Variants in PI4KA observed in about 807,000 individuals in gnomAD.
PI4KA encodes PI4-kinase alpha.
In PI4KA, 122 loss-of-function variants were observed where a neutral mutation model predicts 271.4. The observed-to-expected ratio is 0.45, with a 90% confidence interval of 0.39 to 0.52. The LOEUF is 0.52. Among genes scored for constraint, PI4KA ranks in the 20% least tolerant of loss-of-function variants. The pLI, the probability that PI4KA is intolerant of heterozygous loss-of-function variation, is 0.00. For synonymous variants in PI4KA, 1,041 were observed against 1,078.8 expected, an observed-to-expected ratio of 0.96 and a Z score of 0.69; for missense variants, 1,969 against 2,769.1, an observed-to-expected ratio of 0.71 and a Z score of 6.48.
chr22:20,842,216 A>G (rs898566595), intron 1 of PI4KA, among the ~76,000 whole-genome samples: 3 of 151,972 alleles, frequency 2.0e-5, no homozygotes, highest in African/African-American at 7.3e-5. Context: ...CAACAGAGCA[A>G]GACTCCATCT....
intron 3 of PI4KA, 93 bp from the exon 4 acceptor site, chr22:20,824,507 G>A (rs1481572680): frequency 2.4e-6 from 2 of 827,526 alleles, no homozygotes; most frequent in East Asian, 2.6e-5. Context: ...CTCTCACCAT[G>A]ACCTGCCAAG....
rs762595483 is a variant in PI4KA, at chr22:20,751,261, G to A, written c.3153+32C>T. 8.5e-6 allele frequency: 13 copies of A among 1,536,114 alleles called. No homozygotes were observed. The Admixed American group carries it at 1.7e-4, about 20-fold the overall frequency. ...TACTCAGGGAATTGTGGTAAAGATG[G>A]CCCTTAGTGCAGGGGATCGTGTCGG... On this transcript the variant is annotated intron_variant, in intron 27 of 54. Coordinates refer to ENST00000255882, the MANE Select transcript of PI4KA (RefSeq NM_058004.4).
intron 19 of PI4KA, chr22:20,787,338 A>G: frequency 2.1e-6 from 1 of 478,050 alleles, no homozygotes; most frequent in Non-Finnish European, 3.8e-6. Flanking sequence ...CACTCTTCAC[A>G]GCAAACCTGA....
In PI4KA at chr22:20,858,803, G is replaced by C. The variant is rs759839426; in HGVS notation, c.-78C>G. The C allele has an allele frequency of 7.3e-6, 10 of 1,361,544 alleles. No homozygotes were observed. The highest frequency in any genetic ancestry group is 4.7e-5 in the South Asian group (3 of 63,234). The allele number at this position is 1,361,544 out of a possible 1,614,324, so 84.3% of individuals were successfully genotyped here. A position where few individuals can be genotyped will look rare whatever the true frequency, so the allele number is the denominator to read the frequency against. On this transcript the variant is annotated 5_prime_UTR_variant, in exon 1 of 55. Transcript: ENST00000255882. ...CGCCCGACCTCAGGGCGCAGGCGTAGGTGCATCCGGCTTTCCCGCCACGTG... is the reference window on the plus strand; with the variant it reads ...CGCCCGACCTCAGGGCGCAGGCGTACGTGCATCCGGCTTTCCCGCCACGTG...
chr22:20,727,818 G>T lies in PI4KA; in HGVS notation c.4729C>A (p.Arg1577=). 1 of 1,614,066 alleles carries T rather than the reference G, an allele frequency of 6.2e-7. No homozygotes were observed. Among genetic ancestry groups the T allele is most frequent in the Non-Finnish European group, 8.5e-7 (1 of 1,179,990 alleles). ...AIGNEVTRLV[R]LDPGAVSDVP... ...TCACTAACGGCTCCCGGGTCCAACC[G>T]AACGAGACGGGTCACTTCGTTCCCA... The change falls in exon 40 of 55, where the codon CGG becomes AGG. Residue 1577 remains arginine, a synonymous_variant. Transcript: ENST00000255882.
chr22:20,753,235 C>A, intron 23 of PI4KA, 55 bp from the exon 24 acceptor site: 1 of 1,486,900 alleles, frequency 6.7e-7, no homozygotes, highest in Non-Finnish European at 9.3e-7. Context: ...AGAATCCTAG[C>A]AACTTTCAAT....
Position 20,806,064 on chromosome 22 carries a change from G to T in PI4KA, c.1169-899C>A, listed in dbSNP as rs77741459. 5.7e-3 allele frequency among the ~76,000 whole-genome samples: 861 copies of T among 152,174 alleles called. 5 individuals carry two copies. The highest frequency in any genetic ancestry group is 0.019 in the African/African-American group (799 of 41,490). On this transcript the variant is annotated intron_variant, in intron 10 of 54. Transcript: ENST00000255882. ...CAGCAGGGGTGGTGGGGAGGGCAGG[G>T]GTAATCCCTGATGCCCCTTCTTAGG...
intron 29 of PI4KA, among the ~76,000 whole-genome samples, chr22:20,746,030 G>A (rs1268884518): frequency 6.9e-6 from 1 of 144,088 alleles, no homozygotes; most frequent in African/African-American, 2.6e-5. Flanking sequence ...CTAGAGATGG[G>A]GTTTCATCAA....
intron 17 of PI4KA, 25 bp downstream of exon 17, chr22:20,798,559 A>G (rs1935112238): frequency 7.5e-7 from 1 of 1,331,466 alleles, no homozygotes; most frequent in Non-Finnish European, 1.1e-6. Flanking sequence ...GTCATGATAA[A>G]AAAGTGACAA....
Position 20,813,213 on chromosome 22 carries a change from C to G in PI4KA, c.1005+145G>C, listed in dbSNP as rs558215087. The G allele has an allele frequency of 8.0e-5, 50 of 627,458 alleles. No homozygotes were observed. The African/African-American group carries it at 8.4e-4, about 11-fold the overall frequency. The allele number at this position is 627,458 out of a possible 1,614,324, so 38.9% of individuals were successfully genotyped here. A position where few individuals can be genotyped will look rare whatever the true frequency, so the allele number is the denominator to read the frequency against. On this transcript the variant is annotated intron_variant, in intron 8 of 54. Coordinates refer to ENST00000255882, the MANE Select transcript of PI4KA (RefSeq NM_058004.4). ...TGATTCCATGAATGTTACTCTACTT[C>G]CTTCATTAATCTGCAAGTTTATGAC...
At chr22:20,769,358 T>C (rs1039743294) in intron 19 of PI4KA, among the ~76,000 whole-genome samples, 2 of 152,078 alleles carry the variant, frequency 1.3e-5, no homozygotes, top group East Asian at 1.9e-4. Context: ...AGAAAGGAGA[T>C]CTGCTCACTC....
intron 15 of PI4KA, 38 bp from the exon 16 acceptor site, chr22:20,799,314 C>A (rs772888734): frequency 6.7e-7 from 1 of 1,490,520 alleles, no homozygotes; most frequent in African/African-American, 1.4e-5. Flanking sequence ...AGCAACAGTC[C>A]CTCCAGCATG....
At chr22:20,712,645 G>A in intron 49 of PI4KA, 34 bp from the exon 50 acceptor site, 1 of 1,557,164 alleles carries the variant, frequency 6.4e-7, no homozygotes, top group Non-Finnish European at 8.7e-7. Flanking sequence ...GGCCCGCTGG[G>A]TGCGAGGTGC....
intron 1 of PI4KA, among the ~76,000 whole-genome samples, chr22:20,856,514 A>C (rs1927617055): frequency 6.7e-6 from 1 of 150,234 alleles, no homozygotes; most frequent in Non-Finnish European, 1.5e-5. Context: ...GGCTCACTGC[A>C]ACCTCTGCCT....
intron 3 of PI4KA, among the ~76,000 whole-genome samples, chr22:20,830,429 T>C (rs1459887688): frequency 1.3e-5 from 2 of 152,256 alleles, no homozygotes; most frequent in Admixed American, 6.5e-5. Context: ...TCTTCGTTGG[T>C]TGGAAGTCTA....
At chr22:20,715,453 C>T (rs941479926) in intron 45 of PI4KA, among the ~76,000 whole-genome samples, 2 of 151,978 alleles carry the variant, frequency 1.3e-5, no homozygotes, top group Non-Finnish European at 2.9e-5. Flanking sequence ...TTCTCCCAGC[C>T]TTTAGGACTT....
At chr22:20,831,481 T>C (rs1221402933) in intron 3 of PI4KA, among the ~76,000 whole-genome samples, 4 of 151,982 alleles carry the variant, frequency 2.6e-5, no homozygotes, top group Non-Finnish European at 5.9e-5. Flanking sequence ...GGCATGAGAA[T>C]TGCTTGAACC....
chr22:20,756,089 T>C (rs752103221), intron 23 of PI4KA, among the ~76,000 whole-genome samples: 8 of 152,146 alleles, frequency 5.3e-5, no homozygotes, highest in Non-Finnish European at 1.2e-4. Context: ...CCGCAGCAAT[T>C]TGAAAAGTTA....
intron 18 of PI4KA, 60 bp from the exon 19 acceptor site, chr22:20,793,303 A>C (rs1242434410): frequency 2.3e-5 from 22 of 959,698 alleles, no homozygotes; most frequent in African/African-American, 1.5e-4. Flanking sequence ...TAAAAAAAAA[A>C]AACACAAGAT....
Sources: gnomAD v4.1 joint callset for allele counts (sites outside exome capture counted in the v4.1 genomes callset) on GRCh38, gnomAD v4.1.1 for gene constraint, MANE v1.5 for transcripts, NCBI Gene and HGNC (gene_info 2026-07-23, HGNC 2026-07-21) for gene names.